Variants in USP10 observed in about 807,000 individuals in gnomAD.
USP10 encodes the protein ubiquitin specific peptidase 10, also known as ubiquitin carboxyl-terminal hydrolase 10.
USP10 carries 22 observed loss-of-function variants against 84.5 expected under a neutral mutation model. The observed-to-expected ratio is 0.26, with a 90% CI of 0.19 to 0.37. The LOEUF (loss-of-function observed/expected upper bound fraction) is 0.37, where lower values mean the gene tolerates loss of function less well. Among genes scored for constraint, USP10 ranks in the 10% least tolerant of loss-of-function variants. The pLI, the probability that USP10 is intolerant of heterozygous loss-of-function variation, is 1.00. For synonymous variants in USP10, 454 were observed against 387.6 expected, an observed-to-expected ratio of 1.17 and a Z score of -2.01; for missense variants, 1,019 against 998.9, an observed-to-expected ratio of 1.02 and a Z score of -0.27.
At chr16:84,703,498 G>A (rs1016395946) in intron 1 of USP10, among the ~76,000 whole-genome samples, 68 of 152,334 alleles carry the variant, frequency 4.5e-4, no homozygotes, top group Admixed American at 1.2e-3. Flanking sequence ...ATGGCTGAAT[G>A]TTACTGTATT....
At chr16:84,711,026 C>T (rs968021990) in intron 1 of USP10, among the ~76,000 whole-genome samples, 1 of 151,656 alleles carries the variant, frequency 6.6e-6, no homozygotes, top group Admixed American at 6.6e-5. Context: ...GAGTGTGATA[C>T]TCACTTATTT....
intron 1 of USP10, among the ~76,000 whole-genome samples, chr16:84,731,587 A>G (rs1909239807): frequency 6.6e-6 from 1 of 152,136 alleles, no homozygotes. Flanking sequence ...TAGTTTATAG[A>G]ATTCTATGAA....
At chr16:84,711,614 C>T (rs1421518380) in intron 1 of USP10, among the ~76,000 whole-genome samples, 1 of 152,054 alleles carries the variant, frequency 6.6e-6, no homozygotes, top group African/African-American at 2.4e-5. Context: ...TTGCTTCTTA[C>T]CTCTTTGCTC....
At chr16:84,741,318 G>T (rs934787624) in intron 3 of USP10, among the ~76,000 whole-genome samples, 1 of 152,210 alleles carries the variant, frequency 6.6e-6, no homozygotes, top group Non-Finnish European at 1.5e-5. Context: ...GTAATAAAAT[G>T]AATGAAGCTT....
intron 1 of USP10, among the ~76,000 whole-genome samples, chr16:84,731,780 T>TC (rs1188871674): frequency 1.3e-5 from 2 of 152,052 alleles, no homozygotes; most frequent in African/African-American, 4.8e-5. Context: ...ATAGCTCTTT[T>TC]TTTTTTGTGA....
At chr16:84,724,599 A>G (rs780989918) in intron 1 of USP10, among the ~76,000 whole-genome samples, 2 of 152,112 alleles carry the variant, frequency 1.3e-5, no homozygotes, top group Non-Finnish European at 2.9e-5. Context: ...CTATAGCCCT[A>G]TTAGTGAGGG....
intron 1 of USP10, among the ~76,000 whole-genome samples, chr16:84,712,805 G>T (rs759022866): frequency 6.6e-6 from 1 of 152,122 alleles, no homozygotes; most frequent in Non-Finnish European, 1.5e-5. Context: ...TGACTGACCC[G>T]CACGTCACAT....
chr16:84,771,601 G>C (rs945911949), intron 11 of USP10, among the ~76,000 whole-genome samples: 1 of 152,200 alleles, frequency 6.6e-6, no homozygotes, highest in African/African-American at 2.4e-5. Context: ...TAGCGTGGTG[G>C]CTCACGCCTG....
At chr16:84,724,905 A>G (rs1597308123) in intron 1 of USP10, among the ~76,000 whole-genome samples, 1 of 152,238 alleles carries the variant, frequency 6.6e-6, no homozygotes, top group African/African-American at 2.4e-5. Context: ...AGTTGAAAGC[A>G]CACAATGATT....
At chr16:84,719,696 G>A (rs964028718) in intron 1 of USP10, among the ~76,000 whole-genome samples, 2 of 152,210 alleles carry the variant, frequency 1.3e-5, no homozygotes, top group South Asian at 2.1e-4. Context: ...CCATAAGGGG[G>A]ACTTTGAAGT....
At chr16:84,704,698 C>T in intron 1 of USP10, 19 of 1,482,244 alleles carry the variant, frequency 1.3e-5, no homozygotes, top group Non-Finnish European at 1.6e-5. Context: ...TCTTCAGATC[C>T]TAGATTTTTT....
At chr16:84,723,134 A>T (rs1201884049) in intron 1 of USP10, among the ~76,000 whole-genome samples, 1 of 146,926 alleles carries the variant, frequency 6.8e-6, no homozygotes, top group East Asian at 2.1e-4. Flanking sequence ...ATACCTTCTG[A>T]TCACATCCAG....
chr16:84,721,784 G>A (rs767331804), intron 1 of USP10, among the ~76,000 whole-genome samples: 11 of 152,148 alleles, frequency 7.2e-5, no homozygotes, highest in South Asian at 2.1e-4. Context: ...TGCAACCTCC[G>A]CCTCCCGGGT....
intron 1 of USP10, among the ~76,000 whole-genome samples, chr16:84,730,111 T>C (rs1909014590): frequency 6.6e-6 from 1 of 152,186 alleles, no homozygotes; most frequent in Non-Finnish European, 1.5e-5. Context: ...GGAAATCCCC[T>C]CCACTCCTGT....
chr16:84,701,342 C>G (rs564708002), intron 1 of USP10, among the ~76,000 whole-genome samples: 1 of 152,136 alleles, frequency 6.6e-6, no homozygotes, highest in South Asian at 2.1e-4. Flanking sequence ...GTTTTGTTCC[C>G]TTATTCATTT....
chr16:84,733,893 G>A (rs1021179145), intron 2 of USP10, among the ~76,000 whole-genome samples: 1 of 138,174 alleles, frequency 7.2e-6, no homozygotes, highest in South Asian at 2.2e-4. Flanking sequence ...TCACGTAAAT[G>A]GTATACTATA....
chr16:84,779,086 C>G lies in USP10; in HGVS notation c.*4C>G. On this transcript the variant is annotated 3_prime_UTR_variant, in exon 14 of 14. Coordinates refer to ENST00000219473, the MANE Select transcript of USP10 (RefSeq NM_005153.3). ...CCGCCGAGTGGACCTGCTGTAAACC[C>G]TGTGTGCGCTGTGTGTGCGCCCAGT... is the stretch of plus-strand genomic sequence containing the variant. 6.2e-7 allele frequency: 1 copy of G among 1,608,354 alleles called. No homozygotes were observed. The highest frequency in any genetic ancestry group is 8.5e-7 in the Non-Finnish European group (1 of 1,175,386).
chr16:84,705,535 C>T (rs1483629120), intron 1 of USP10, among the ~76,000 whole-genome samples: 1 of 151,788 alleles, frequency 6.6e-6, no homozygotes, highest in Non-Finnish European at 1.5e-5. Flanking sequence ...CCAGCCACTC[C>T]TGTGCCTTTT....
intron 6 of USP10, 36 bp downstream of exon 6, chr16:84,759,508 G>A (rs1223846109): frequency 3.2e-6 from 5 of 1,562,582 alleles, no homozygotes; most frequent in East Asian, 2.2e-5. Flanking sequence ...TAAGTGGTGG[G>A]GTTTTTCCCG....
Sources: gnomAD v4.1 joint callset for allele counts (sites outside exome capture counted in the v4.1 genomes callset) on GRCh38, gnomAD v4.1.1 for gene constraint, MANE v1.5 for transcripts, NCBI Gene and HGNC (gene_info 2026-07-23, HGNC 2026-07-21) for gene names.